NLGN1: variants seen among roughly 807,000 people sequenced by gnomAD.
NLGN1 encodes neuroligin-1.
Under a neutral mutation model 65.5 loss-of-function variants are expected in NLGN1, and 12 were observed. The ratio of observed to expected loss-of-function variants is 0.18; its 90% confidence interval spans 0.12 to 0.30. The LOEUF (loss-of-function observed/expected upper bound fraction) is 0.30. Ranked by LOEUF, NLGN1 falls within the 10% of genes least tolerant of loss-of-function variation. The probability of loss-of-function intolerance (pLI) is 1.00; values close to 1 mark genes in which losing one functional copy is unlikely to be tolerated. For synonymous variants in NLGN1, 350 were observed against 359.5 expected (o/e 0.97, Z 0.30); for missense variants, 750 against 1,007.1 (o/e 0.74, Z 3.46).
In NLGN1 at chr3:174,280,420, G is replaced by C. The variant is rs1577794815; in HGVS notation, c.1650-61G>C. On this transcript the variant is annotated intron_variant, in intron 6 of 6. Transcript: ENST00000457714. The surrounding 1 kb of genome is among the most constrained non-coding windows in gnomAD (Gnocchi z 4.9). Reference sequence around the variant, plus strand: ...TATTTAATTATTAGATGTTAAAGTAGTGTGATTTTAAGTAAAAAATAAAAT... The same window carrying C: ...TATTTAATTATTAGATGTTAAAGTACTGTGATTTTAAGTAAAAAATAAAAT... 1 of 1,119,216 alleles carries C rather than the reference G, an allele frequency of 8.9e-7. No homozygotes were observed. The highest frequency in any genetic ancestry group is 1.3e-6 in the Non-Finnish European group (1 of 781,036). The allele number at this position is 1,119,216 out of a possible 1,614,324, so 69.3% of individuals were successfully genotyped here.
chr3:173,734,381 ATTTTTTTTTTTTTTTTTTTTTT>A (rs71162356), intron 3 of NLGN1, among the ~76,000 whole-genome samples: 1 of 40,060 alleles, frequency 2.5e-5, no homozygotes, highest in African/African-American at 1.1e-4. Flanking sequence ...GGATAATTCT[ATTTTTTTTTTTTTTTTTTTTTT>A]TTTTTTTTTT....
At chr3:173,978,085 G>A (rs138640424) in intron 4 of NLGN1, among the ~76,000 whole-genome samples, 152 of 152,108 alleles carry the variant, frequency 1.0e-3, no homozygotes, top group African/African-American at 3.4e-3. Flanking sequence ...TGAGAGATAA[G>A]GAAAAGATAA....
rs1167401641 is a variant in NLGN1, at chr3:174,283,109, GTCTT to G, written c.*1812_*1815del. On this transcript the variant is annotated 3_prime_UTR_variant, in exon 7 of 7. Transcript: ENST00000457714. ...GAGCTAAAATGTTTATTGCTGTTTT[GTCTT>G]TCTTTTTTCTAAAAAAAGAAAAAAA... is the stretch of plus-strand genomic sequence containing the variant. 5.3e-5 allele frequency: 8 copies of G among 151,068 alleles called. No individual in the cohort carries two copies. The South Asian group carries it at 6.2e-4, about 12-fold the overall frequency. The allele number at this position is 151,068 out of a possible 1,614,324, so 9.4% of individuals were successfully genotyped here.
intron 3 of NLGN1, among the ~76,000 whole-genome samples, chr3:173,626,881 C>T (rs1253599542): frequency 6.6e-6 from 1 of 152,026 alleles, no homozygotes; most frequent in African/African-American, 2.4e-5. Context: ...TAATCTGTTC[C>T]TCATTTTGGA....
intron 2 of NLGN1, among the ~76,000 whole-genome samples, chr3:173,545,481 C>A (rs952752024): frequency 1.3e-5 from 2 of 152,186 alleles, no homozygotes; most frequent in East Asian, 3.8e-4. Context: ...TGTGGAAATA[C>A]ACTTTCTTTA....
chr3:173,856,026 A>G (rs555375395), intron 4 of NLGN1, among the ~76,000 whole-genome samples: 1 of 152,230 alleles, frequency 6.6e-6, no homozygotes, highest in South Asian at 2.1e-4. Flanking sequence ...CTCTCCTAAA[A>G]GCAAGAAGCA....
chr3:173,597,398 G>A (rs910575240), intron 2 of NLGN1, among the ~76,000 whole-genome samples: 1 of 152,196 alleles, frequency 6.6e-6, no homozygotes, highest in African/African-American at 2.4e-5. Flanking sequence ...TTTGGACAGC[G>A]ATTGGCAAGT....
chr3:174,154,730 T>G (rs1725001222), intron 4 of NLGN1, among the ~76,000 whole-genome samples: 1 of 151,268 alleles, frequency 6.6e-6, no homozygotes, highest in Non-Finnish European at 1.5e-5. Context: ...TGTGTATATG[T>G]AGATGGTTGT....
intron 4 of NLGN1, among the ~76,000 whole-genome samples, chr3:174,189,497 G>T (rs150425679): frequency 6.6e-6 from 1 of 151,866 alleles, no homozygotes; most frequent in African/African-American, 2.4e-5. Context: ...AATTTCCCTA[G>T]CGCCATAACA....
At chr3:173,937,059 A>C (rs1373117318) in intron 4 of NLGN1, among the ~76,000 whole-genome samples, 1 of 152,034 alleles carries the variant, frequency 6.6e-6, no homozygotes, top group Non-Finnish European at 1.5e-5. Flanking sequence ...TTATGGAACT[A>C]ATAACTTTCC....
At chr3:173,435,619 G>C (rs960767915) in intron 2 of NLGN1, among the ~76,000 whole-genome samples, 3 of 152,162 alleles carry the variant, frequency 2.0e-5, no homozygotes, top group African/African-American at 7.2e-5. Context: ...GGCATATCAC[G>C]AGGTCAGGAG....
At chr3:173,511,115 G>T (rs189772759) in intron 2 of NLGN1, among the ~76,000 whole-genome samples, 2 of 152,170 alleles carry the variant, frequency 1.3e-5, no homozygotes, top group Admixed American at 6.5e-5. Flanking sequence ...TTGATATGAA[G>T]GCGTCTCATT....
chr3:173,885,577 A>G (rs568278023), intron 4 of NLGN1, among the ~76,000 whole-genome samples: 38 of 152,134 alleles, frequency 2.5e-4, no homozygotes, highest in Non-Finnish European at 5.0e-4. Flanking sequence ...TTAAATATAT[A>G]GTAAATAGGA....
At chr3:173,582,764 A>T (rs183612246) in intron 2 of NLGN1, among the ~76,000 whole-genome samples, 4 of 152,134 alleles carry the variant, frequency 2.6e-5, no homozygotes, top group Non-Finnish European at 5.9e-5. Context: ...TTATTTTAAT[A>T]TATCAAATTT....
At chr3:173,561,276 C>T (rs1398759758) in intron 2 of NLGN1, among the ~76,000 whole-genome samples, 2 of 152,170 alleles carry the variant, frequency 1.3e-5, no homozygotes, top group Non-Finnish European at 2.9e-5. Flanking sequence ...TCTGAGGAAG[C>T]GTTGCCTTTA....
At chr3:174,109,642 CCTT>C (rs1714748762) in intron 4 of NLGN1, among the ~76,000 whole-genome samples, 1 of 151,714 alleles carries the variant, frequency 6.6e-6, no homozygotes, top group African/African-American at 2.4e-5. Flanking sequence ...ATTCTTTTAT[CCTT>C]CTTTATTGAG....
intron 4 of NLGN1, among the ~76,000 whole-genome samples, chr3:174,212,503 G>A (rs188046587): frequency 3.9e-5 from 6 of 152,336 alleles, no homozygotes; most frequent in African/African-American, 1.4e-4. Context: ...GCAAGCGAGG[G>A]CTCTGAGGAC....
intron 2 of NLGN1, among the ~76,000 whole-genome samples, chr3:173,553,937 T>A (rs150672792): frequency 3.8e-3 from 572 of 152,274 alleles, no homozygotes; most frequent in Middle Eastern, 0.014. Context: ...ATAGGTGATA[T>A]TCGCACATCA....
intron 4 of NLGN1, among the ~76,000 whole-genome samples, chr3:173,868,979 T>A (rs1730696707): frequency 6.6e-6 from 1 of 152,066 alleles, no homozygotes; most frequent in Non-Finnish European, 1.5e-5. Flanking sequence ...AAGGCAAAAG[T>A]TGTCAGTAAG....
Sources: gnomAD v4.1 joint callset for allele counts (sites outside exome capture counted in the v4.1 genomes callset) on GRCh38, gnomAD v4.1.1 for gene constraint, Gnocchi (gnomAD v3.1) non-coding constraint, MANE v1.5 for transcripts, NCBI Gene and HGNC (gene_info 2026-07-23, HGNC 2026-07-21) for gene names.